Variants in TDO2 observed in about 807,000 individuals in gnomAD.
The protein encoded by TDO2 is tryptophan 2,3-dioxygenase, also known as tryptamin 2,3-dioxygenase.
TDO2 carries 63 observed loss-of-function variants against 61.2 expected under a neutral mutation model. The ratio of observed to expected loss-of-function variants is 1.03; its 90% confidence interval spans 0.84 to 1.27. TDO2 has a LOEUF of 1.27. Ranked by LOEUF, TDO2 falls within the 50% of genes most tolerant of loss-of-function variation. TDO2 has a pLI of 0.00. For missense variants in TDO2, 494 were observed against 469.5 expected, an observed-to-expected ratio of 1.05 and a Z score of -0.48; for synonymous variants, 183 against 164.0, an observed-to-expected ratio of 1.12 and a Z score of -0.89.
In TDO2 at chr4:155,917,405, A is replaced by G. The variant is rs748429865; in HGVS notation, c.907A>G (p.Arg303Gly). The G allele has an allele frequency of 6.2e-7, 1 of 1,609,824 alleles. No homozygotes were observed. The highest frequency in any genetic ancestry group is 8.5e-7 in the Non-Finnish European group (1 of 1,178,480). Residue 303 changes from arginine to glycine, a missense_variant, in exon 10 of 12, where the codon AGG (arginine) becomes GGG (glycine). Physicochemically the swap from Arg to Gly is moderately radical, Grantham distance 125. Coordinates refer to ENST00000536354, the MANE Select transcript of TDO2 (RefSeq NM_005651.4). ...LMIYFYREEPRFQVPFQLLTS... is the reference protein window; with the variant it reads ...LMIYFYREEPGFQVPFQLLTS... Reference sequence around the variant, plus strand: ...CTTTTTTTCCTTTAGGGAAGAGCCTAGGTTCCAGGTGCCTTTTCAGTTGCT... The same window carrying G: ...CTTTTTTTCCTTTAGGGAAGAGCCTGGGTTCCAGGTGCCTTTTCAGTTGCT...
chr4:155,908,341 C>T (rs558262221), intron 4 of TDO2, among the ~76,000 whole-genome samples: 2 of 152,124 alleles, frequency 1.3e-5, no homozygotes, highest in African/African-American at 2.4e-5. Context: ...TCTCCATCTC[C>T]CACCCTGCTT....
At chr4:155,908,737 C>A in intron 4 of TDO2, 150 bp from the exon 5 acceptor site, 1 of 795,074 alleles carries the variant, frequency 1.3e-6, no homozygotes, top group Non-Finnish European at 1.8e-6. Context: ...CAATTCAGAA[C>A]TGTTATATAC....
intron 8 of TDO2, among the ~76,000 whole-genome samples, chr4:155,914,784 G>A (rs1384679986): frequency 6.6e-6 from 1 of 152,096 alleles, no homozygotes; most frequent in Non-Finnish European, 1.5e-5. Flanking sequence ...AGAAAAGGAA[G>A]GAATAGCTAC....
At chr4:155,919,697 T>C in intron 11 of TDO2, 140 bp from the exon 12 acceptor site, 1 of 660,490 alleles carries the variant, frequency 1.5e-6, no homozygotes, top group East Asian at 2.9e-5. Flanking sequence ...TAATTTAATA[T>C]ATGATATATA....
chr4:155,907,015 A>G (rs1280009436), intron 3 of TDO2: 1 of 152,228 alleles, frequency 6.6e-6, no homozygotes, highest in East Asian at 1.9e-4. Flanking sequence ...AACAAACTTA[A>G]TCCTTCGACA....
chr4:155,903,904 G>T, intron 1 of TDO2, 111 bp downstream of exon 1: 1 of 1,512,498 alleles, frequency 6.6e-7, no homozygotes, highest in Non-Finnish European at 9.2e-7. Flanking sequence ...TTATTCCTTT[G>T]TCTAACAATC....
chr4:155,903,735 C>T lies in TDO2; in HGVS notation c.-24C>T. Reference sequence around the variant, plus strand: ...ATCTGCCTAGAGTCAAACCTCCGTGCTTCTCAGACAGTGCCTTTTCACCAT... The same window carrying T: ...ATCTGCCTAGAGTCAAACCTCCGTGTTTCTCAGACAGTGCCTTTTCACCAT... On this transcript the variant is annotated 5_prime_UTR_variant, in exon 1 of 12. Coordinates refer to ENST00000536354, the MANE Select transcript of TDO2 (RefSeq NM_005651.4). 1 of 1,614,094 alleles carries T rather than the reference C, an allele frequency of 6.2e-7. No homozygotes were observed. Among genetic ancestry groups the T allele is most frequent in the South Asian group, 1.1e-5 (1 of 91,078 alleles).
At chr4:155,919,814 C>CCA in intron 11 of TDO2, 23 bp from the exon 12 acceptor site, 1 of 1,578,744 alleles carries the variant, frequency 6.3e-7, no homozygotes, top group Non-Finnish European at 8.6e-7. Flanking sequence ...CAATGTAACA[C>CCA]ATCTTCATGT....
chr4:155,919,298 C>T (rs1469919528), intron 11 of TDO2, among the ~76,000 whole-genome samples: 1 of 152,184 alleles, frequency 6.6e-6, no homozygotes, highest in Non-Finnish European at 1.5e-5. Flanking sequence ...GGCAAATGTT[C>T]TTCCTCCATA....
At chr4:155,904,248 A>T (rs1742679215) in intron 2 of TDO2, 125 bp downstream of exon 2, 3 of 668,658 alleles carry the variant, frequency 4.5e-6, no homozygotes, top group Non-Finnish European at 2.6e-6. Context: ...GGACCTAAGG[A>T]TATTTTTATT....
intron 11 of TDO2, among the ~76,000 whole-genome samples, chr4:155,919,356 A>G (rs189681117): frequency 6.6e-6 from 1 of 152,358 alleles, no homozygotes; most frequent in Admixed American, 6.5e-5. Context: ...AAGCAATTTT[A>G]GTGTTAAAAC....
Position 155,919,826 on chromosome 4 carries a change from T to C in TDO2, c.1068-11T>C, listed in dbSNP as rs181858118. On this transcript the variant is annotated splice_polypyrimidine_tract_variant and intron_variant, in intron 11 of 11. Coordinates refer to ENST00000536354, the MANE Select transcript of TDO2 (RefSeq NM_005651.4). ...AACCAATGTAACACATCTTCATGTA[T>C]GTTTTTCCAGTGATAGGTACAAGGT... The C allele has an allele frequency of 8.1e-4, 1,293 of 1,590,094 alleles. 10 individuals are homozygous for C. In the East Asian group the frequency reaches 0.014, roughly 18 times the overall value.
At chr4:155,914,511 C>A in intron 8 of TDO2, 77 bp downstream of exon 8, 2 of 970,624 alleles carry the variant, frequency 2.1e-6, no homozygotes, top group Non-Finnish European at 2.9e-6. Flanking sequence ...ATAAGACTAT[C>A]AAGCCTTACT....
intron 5 of TDO2, 150 bp downstream of exon 5, chr4:155,909,164 G>T: frequency 1.7e-6 from 1 of 585,774 alleles, no homozygotes; most frequent in Non-Finnish European, 2.6e-6. Flanking sequence ...CGATCACAAA[G>T]CATTTGAGAA....
intron 7 of TDO2, 85 bp from the exon 8 acceptor site, chr4:155,914,238 A>T: frequency 2.3e-6 from 2 of 882,296 alleles, no homozygotes. Flanking sequence ...TGCAACCATA[A>T]GTCTTTTCCT....
At chr4:155,910,707 C>A (rs956575802) in intron 6 of TDO2, among the ~76,000 whole-genome samples, 3 of 152,014 alleles carry the variant, frequency 2.0e-5, no homozygotes, top group African/African-American at 7.2e-5. Flanking sequence ...TTAATTTTTT[C>A]TTCAAAATAG....
Position 155,912,799 on chromosome 4 carries a change from A to C in TDO2, c.726+1195A>C, listed in dbSNP as rs181506249. Among the ~76,000 whole-genome samples the C allele has an allele frequency of 4.6e-5, 7 of 152,252 alleles. No homozygotes were observed. In the East Asian group the frequency reaches 7.7e-4, roughly 17 times the overall value. The stretch of plus-strand genomic sequence containing the variant: ...TTTCAGAACATGTATATAATACCTT[A>C]CTTGATATTTCCTCCTGGTCCTCTC... On this transcript the variant is annotated intron_variant, in intron 7 of 11. Transcript: ENST00000536354.
intron 9 of TDO2, 138 bp downstream of exon 9, chr4:155,916,050 G>T: frequency 3.0e-6 from 2 of 660,824 alleles, no homozygotes; most frequent in Non-Finnish European, 4.7e-6. Flanking sequence ...AAGATAATTA[G>T]TAATGAAGTT....
chr4:155,916,513 C>T (rs992561406), intron 9 of TDO2, among the ~76,000 whole-genome samples: 1 of 150,984 alleles, frequency 6.6e-6, no homozygotes, highest in African/African-American at 2.4e-5. Flanking sequence ...GAGACTCACT[C>T]ATGAAATGTG....
Sources: allele counts gnomAD v4.1 joint callset (sites outside exome capture counted in the v4.1 genomes callset), GRCh38; gene constraint gnomAD v4.1.1; transcripts MANE v1.5; gene names NCBI Gene and HGNC (gene_info 2026-07-23, HGNC 2026-07-21).